Variants in ARAP2 observed in about 807,000 individuals in gnomAD.
The protein encoded by ARAP2 is ArfGAP with RhoGAP domain, ankyrin repeat and PH domain 2.
ARAP2 carries 148 observed loss-of-function variants against 194.5 expected under a neutral mutation model. That is an observed-to-expected ratio of 0.76 (90% CI 0.67 to 0.87). The LOEUF (loss-of-function observed/expected upper bound fraction) is 0.87, where lower values mean the gene tolerates loss of function less well. Among genes scored for constraint, ARAP2 ranks in the 40% least tolerant of loss-of-function variants. The pLI is 0.00. For missense variants in ARAP2, 2,128 were observed against 1,989.7 expected, an observed-to-expected ratio of 1.07 and a Z score of -1.32; for synonymous variants, 695 against 683.5, an observed-to-expected ratio of 1.02 and a Z score of -0.26.
At chr4:36,162,142 AT>A (rs1734240060) in intron 11 of ARAP2, among the ~76,000 whole-genome samples, 1 of 4,416 alleles carries the variant, frequency 2.3e-4, no homozygotes. Context: ...TTACTTAAAT[AT>A]ATATATATAT....
intron 19 of ARAP2, among the ~76,000 whole-genome samples, chr4:36,135,952 AT>A (rs1175847419): frequency 6.6e-6 from 1 of 151,792 alleles, no homozygotes; most frequent in African/African-American, 2.4e-5. Context: ...TGAACTTCAA[AT>A]TTTCTTTCTA....
At chr4:36,237,324 T>C (rs1299846677) in intron 1 of ARAP2, among the ~76,000 whole-genome samples, 1 of 152,194 alleles carries the variant, frequency 6.6e-6, no homozygotes, top group South Asian at 2.1e-4. Flanking sequence ...GCTGAACTAA[T>C]TAGCTGAGGG....
intron 15 of ARAP2, among the ~76,000 whole-genome samples, chr4:36,154,556 A>T (rs1731780511): frequency 6.6e-6 from 1 of 152,210 alleles, no homozygotes; most frequent in Non-Finnish European, 1.5e-5. Flanking sequence ...CTATTATTCA[A>T]CTGTGTACTT....
chr4:36,056,464 G>C (rs1723528519), intron 2 of ARAP2, among the ~76,000 whole-genome samples: 1 of 152,126 alleles, frequency 6.6e-6, no homozygotes, highest in South Asian at 2.1e-4. Flanking sequence ...TATTTTGTTA[G>C]TTTTGGGAAA....
chr4:36,132,612 C>T (rs1439692219), intron 20 of ARAP2, among the ~76,000 whole-genome samples: 3 of 151,706 alleles, frequency 2.0e-5, no homozygotes, highest in African/African-American at 4.8e-5. Context: ...ATCTTTCAGG[C>T]ATATCTAAAA....
At chr4:36,017,321 G>A (rs1265789305) in intron 6 of ARAP2, among the ~76,000 whole-genome samples, 1 of 151,512 alleles carries the variant, frequency 6.6e-6, no homozygotes, top group African/African-American at 2.4e-5. Flanking sequence ...TGGCATTAAG[G>A]AGACAGCACT....
intron 11 of ARAP2, 135 bp downstream of exon 11, chr4:36,164,779 T>C (rs1489742808): frequency 2.3e-6 from 2 of 852,218 alleles, no homozygotes; most frequent in Non-Finnish European, 3.6e-6. Flanking sequence ...TTTCTGAATT[T>C]GATTTAAATG....
At chr4:36,036,174 C>T (rs1460919815) in intron 5 of ARAP2, among the ~76,000 whole-genome samples, 1 of 152,092 alleles carries the variant, frequency 6.6e-6, no homozygotes, top group East Asian at 1.9e-4. Flanking sequence ...CACACACACA[C>T]AAATACACAT....
intron 16 of ARAP2, among the ~76,000 whole-genome samples, chr4:36,149,886 T>C (rs192897635): frequency 8.5e-5 from 13 of 152,270 alleles, no homozygotes; most frequent in Admixed American, 3.9e-4. Context: ...TGCAAATCTC[T>C]TTCCTTTCTC....
At chr4:36,185,869 T>C (rs1182376372) in intron 8 of ARAP2, among the ~76,000 whole-genome samples, 3 of 151,362 alleles carry the variant, frequency 2.0e-5, no homozygotes, top group African/African-American at 7.3e-5. Context: ...TCCCAGGTAC[T>C]TGGGAGGCTG....
chr4:36,156,441 A>AAGAG (rs1220682658), intron 15 of ARAP2, among the ~76,000 whole-genome samples: 2 of 15,356 alleles, frequency 1.3e-4, no homozygotes, highest in Admixed American at 4.9e-4. Context: ...GAAAGAAAGA[A>AAGAG]AGAGAAAGAA....
intron 1 of ARAP2, among the ~76,000 whole-genome samples, chr4:36,231,289 T>C (rs1387769699): frequency 6.6e-6 from 1 of 152,118 alleles, no homozygotes; most frequent in Non-Finnish European, 1.5e-5. Context: ...TAAGCCGAGA[T>C]GGTGCCACTG....
At chr4:36,198,901 C>T (rs1743762591) in intron 6 of ARAP2, among the ~76,000 whole-genome samples, 1 of 152,218 alleles carries the variant, frequency 6.6e-6, no homozygotes, top group African/African-American at 2.4e-5. Flanking sequence ...CCACCAAGAG[C>T]ACAGGGAGGC....
chr4:36,131,843 G>C (rs775453843), intron 20 of ARAP2, among the ~76,000 whole-genome samples: 5 of 151,562 alleles, frequency 3.3e-5, no homozygotes, highest in Non-Finnish European at 7.4e-5. Flanking sequence ...AACAAATGAA[G>C]GTAACATTCT....
chr4:36,148,129 C>T (rs1417933975), intron 17 of ARAP2, among the ~76,000 whole-genome samples: 2 of 152,126 alleles, frequency 1.3e-5, no homozygotes, highest in African/African-American at 4.8e-5. Context: ...AAGACTTATA[C>T]AGAAATGACT....
At chr4:36,224,789 T>C (rs922654042) in intron 2 of ARAP2, among the ~76,000 whole-genome samples, 1 of 152,148 alleles carries the variant, frequency 6.6e-6, no homozygotes, top group Non-Finnish European at 1.5e-5. Context: ...TTAAAAAGCA[T>C]TTTAAAAGAA....
downstream of ARAP2, chr4:36,065,468 A>G: frequency 2.8e-6 from 1 of 358,674 alleles, no homozygotes; most frequent in South Asian, 2.2e-5. Context: ...GTGGCCTTTG[A>G]TGGGCTGGCT....
intron 20 of ARAP2, among the ~76,000 whole-genome samples, chr4:36,130,817 C>A (rs117006937): frequency 2.0e-5 from 3 of 151,888 alleles, no homozygotes; most frequent in African/African-American, 7.2e-5. Flanking sequence ...CAAGAATAAG[C>A]AAGTTCTACA....
chr4:36,087,167 TAA>T (rs1712107346), intron 28 of ARAP2, among the ~76,000 whole-genome samples: 2 of 152,070 alleles, frequency 1.3e-5, no homozygotes, highest in African/African-American at 4.8e-5. Flanking sequence ...TAAAATCATT[TAA>T]AAAGTTAACA....
Sources: gnomAD v4.1 joint callset for allele counts (sites outside exome capture counted in the v4.1 genomes callset) on GRCh38, gnomAD v4.1.1 for gene constraint, MANE v1.5 for transcripts, NCBI Gene and HGNC (gene_info 2026-07-23, HGNC 2026-07-21) for gene names.